The following MBD5 variants were observed in gnomAD, a reference collection of about 807,000 sequenced individuals.
MBD5 encodes methyl-CpG binding domain protein 5, also known as methyl-CpG-binding domain protein 5.
MBD5 carries 13 observed loss-of-function variants against 117.3 expected under a neutral mutation model. The ratio of observed to expected loss-of-function variants is 0.11; its 90% CI spans 0.07 to 0.18. The LOEUF (loss-of-function observed/expected upper bound fraction) is 0.18. Ranked by LOEUF, MBD5 falls within the 10% of genes least tolerant of loss-of-function variation. MBD5 has a pLI of 1.00. For synonymous variants in MBD5, 727 were observed against 766.4 expected (o/e 0.95, Z 0.85); for missense variants, 1,879 against 2,093.8 (o/e 0.90, Z 2.00).
At chr2:148,029,727 C>CTA (rs1483823043) in intron 1 of MBD5, among the ~76,000 whole-genome samples, 1 of 152,036 alleles carries the variant, frequency 6.6e-6, no homozygotes, top group Non-Finnish European at 1.5e-5. Flanking sequence ...GGCAAATTTG[C>CTA]TATGTTACAT....
chr2:148,373,801 T>A (rs1703918978), intron 4 of MBD5, among the ~76,000 whole-genome samples: 1 of 152,148 alleles, frequency 6.6e-6, no homozygotes. Flanking sequence ...TTAGAATTAT[T>A]CATAATACTT....
chr2:148,026,996 G>C (rs1458613900), intron 1 of MBD5: 1 of 152,098 alleles, frequency 6.6e-6, no homozygotes, highest in African/African-American at 2.4e-5. Context: ...CCTTTAACTT[G>C]TGTGGAGTTA....
intron 4 of MBD5, among the ~76,000 whole-genome samples, chr2:148,432,071 T>G (rs898780085): frequency 6.6e-6 from 1 of 152,148 alleles, no homozygotes; most frequent in African/African-American, 2.4e-5. Flanking sequence ...CCATTCTGAT[T>G]GGTGTCAGAT....
chr2:148,229,433 A>T lies in MBD5; in HGVS notation c.-830-3812A>T, dbSNP rs180850534. ...GAATTTCTTTGACTTTCCTCAGCAC[A>T]GCCATTTTGAATTCTCTGTCTGAAA... On this transcript the variant is annotated intron_variant, in intron 2 of 13. Coordinates refer to ENST00000642680, the MANE Select transcript of MBD5 (RefSeq NM_001378120.1). Among the ~76,000 whole-genome samples, 8 of 152,210 alleles carry T rather than the reference A, an allele frequency of 5.3e-5. No homozygotes were observed. The East Asian group carries it at 1.5e-3, about 29-fold the overall frequency.
intron 3 of MBD5, among the ~76,000 whole-genome samples, chr2:148,286,263 T>C (rs1361928836): frequency 6.6e-6 from 1 of 152,258 alleles, no homozygotes; most frequent in Non-Finnish European, 1.5e-5. Flanking sequence ...CTTTTTATCA[T>C]CTGATATGTT....
intron 3 of MBD5, among the ~76,000 whole-genome samples, chr2:148,233,843 T>C (rs1700040124): frequency 6.6e-6 from 1 of 152,182 alleles, no homozygotes; most frequent in Non-Finnish European, 1.5e-5. Flanking sequence ...TCCTCCCTTT[T>C]CTTTAACAAC....
chr2:148,224,415 T>C (rs545518480), intron 2 of MBD5, among the ~76,000 whole-genome samples: 116 of 151,848 alleles, frequency 7.6e-4, no homozygotes, highest in Non-Finnish European at 1.4e-3. Flanking sequence ...CCATCTCGGC[T>C]CACTGCAACC....
chr2:148,457,607 A>T (rs1011357380), intron 4 of MBD5, among the ~76,000 whole-genome samples: 1 of 152,146 alleles, frequency 6.6e-6, no homozygotes, highest in African/African-American at 2.4e-5. Context: ...ACCCCATAAT[A>T]TAAGGAATTT....
chr2:148,282,345 C>T (rs1487527305), intron 3 of MBD5, among the ~76,000 whole-genome samples: 1 of 152,004 alleles, frequency 6.6e-6, no homozygotes, highest in East Asian at 1.9e-4. Flanking sequence ...AATAAGAATA[C>T]CAATTCATGT....
At chr2:148,254,925 T>A (rs1206159019) in intron 3 of MBD5, among the ~76,000 whole-genome samples, 1 of 152,202 alleles carries the variant, frequency 6.6e-6, no homozygotes, top group African/African-American at 2.4e-5. Flanking sequence ...TGCAGTGTCC[T>A]TTGTCCAAAG....
At chr2:148,479,223 G>A (rs1867844) in intron 8 of MBD5, among the ~76,000 whole-genome samples, 123,177 of 152,100 alleles carry the variant, frequency 0.81, 53,127 homozygotes, top group South Asian at 0.98. Flanking sequence ...TCAACTTCTC[G>A]AAATATCTGG....
intron 1 of MBD5, among the ~76,000 whole-genome samples, chr2:148,176,074 A>G (rs1265147635): frequency 2.0e-5 from 3 of 152,176 alleles, no homozygotes; most frequent in Non-Finnish European, 4.4e-5. Context: ...TCTTATTAAA[A>G]AAGATAAACT....
intron 3 of MBD5, among the ~76,000 whole-genome samples, chr2:148,269,774 T>C (rs7578733): frequency 6.7e-6 from 1 of 150,328 alleles, no homozygotes; most frequent in African/African-American, 2.4e-5. Context: ...TTATATCTAC[T>C]GTTATTTTTT....
chr2:148,461,345 A>G (rs1013189608), intron 5 of MBD5, among the ~76,000 whole-genome samples: 1 of 152,184 alleles, frequency 6.6e-6, no homozygotes, highest in Non-Finnish European at 1.5e-5. Flanking sequence ...TGAAAAAAAA[A>G]TAGCCTAAGT....
intron 3 of MBD5, among the ~76,000 whole-genome samples, chr2:148,300,654 C>G (rs892429956): frequency 1.3e-5 from 2 of 152,132 alleles, no homozygotes; most frequent in African/African-American, 4.8e-5. Context: ...CACTCTGAAT[C>G]AGAGACATTT....
intron 3 of MBD5, among the ~76,000 whole-genome samples, chr2:148,305,460 T>C (rs1559014340): frequency 1.3e-5 from 2 of 152,208 alleles, no homozygotes; most frequent in African/African-American, 4.8e-5. Context: ...CCAGTTTCTG[T>C]GTCCAGAGGG....
At chr2:148,510,826 C>T (rs1414503356) in intron 13 of MBD5, among the ~76,000 whole-genome samples, 1 of 152,138 alleles carries the variant, frequency 6.6e-6, no homozygotes, top group African/African-American at 2.4e-5. Context: ...ACCATCATTT[C>T]GCAGATGGGT....
chr2:148,159,592 A>G (rs957006077), intron 1 of MBD5, among the ~76,000 whole-genome samples: 2 of 152,092 alleles, frequency 1.3e-5, no homozygotes, highest in African/African-American at 4.8e-5. Context: ...TACCCTAACT[A>G]TATTTCTCAA....
intron 1 of MBD5, among the ~76,000 whole-genome samples, chr2:148,033,696 G>A (rs986302458): frequency 7.2e-5 from 11 of 152,112 alleles, no homozygotes; most frequent in Admixed American, 2.0e-4. Context: ...AATAAACAGC[G>A]TACCACATAA....
Sources: allele counts gnomAD v4.1 joint callset (sites outside exome capture counted in the v4.1 genomes callset), GRCh38; gene constraint gnomAD v4.1.1; transcripts MANE v1.5; gene names NCBI Gene and HGNC (gene_info 2026-07-23, HGNC 2026-07-21).